The following NALF1 variants were observed in gnomAD, a reference collection of about 807,000 sequenced individuals.
NALF1 encodes NALCN channel auxiliary factor 1, also known as family with sequence similarity 155 member A.
In NALF1, 3 loss-of-function variants were observed where a neutral mutation model predicts 48.4. The observed-to-expected ratio is 0.06, with a 90% CI of 0.03 to 0.16. The LOEUF (loss-of-function observed/expected upper bound fraction) is 0.16. Among genes scored for constraint, NALF1 ranks in the 10% least tolerant of loss-of-function variants. The pLI is 1.00. For missense variants in NALF1, 526 were observed against 571.5 expected, an observed-to-expected ratio of 0.92 and a Z score of 0.81; for synonymous variants, 262 against 245.7, an observed-to-expected ratio of 1.07 and a Z score of -0.62.
chr13:107,562,353 T>C (rs1877672358), intron 1 of NALF1, among the ~76,000 whole-genome samples: 1 of 152,200 alleles, frequency 6.6e-6, no homozygotes, highest in South Asian at 2.1e-4. Flanking sequence ...ATTTGTATAT[T>C]GTATCCTTAT....
intron 1 of NALF1, among the ~76,000 whole-genome samples, chr13:107,423,423 G>A (rs1219879326): frequency 2.0e-5 from 3 of 152,098 alleles, no homozygotes; most frequent in African/African-American, 4.8e-5. Context: ...GGAGATGTCC[G>A]TCTTGCCCTG....
intron 1 of NALF1, among the ~76,000 whole-genome samples, chr13:107,446,773 G>A (rs1310574043): frequency 6.6e-6 from 1 of 152,052 alleles, no homozygotes; most frequent in Non-Finnish European, 1.5e-5. Context: ...ACATTGTTCT[G>A]CAATCTTACT....
intron 2 of NALF1, among the ~76,000 whole-genome samples, chr13:107,184,635 C>A (rs1023406544): frequency 6.6e-5 from 10 of 152,160 alleles, no homozygotes; most frequent in Admixed American, 2.0e-4. Flanking sequence ...TGTTTTCCTG[C>A]ATCCTAGCTA....
intron 1 of NALF1, among the ~76,000 whole-genome samples, chr13:107,423,688 T>A (rs1594055201): frequency 6.6e-6 from 1 of 152,188 alleles, no homozygotes; most frequent in Non-Finnish European, 1.5e-5. Flanking sequence ...TACCTCATTA[T>A]AATTTCTTCT....
intron 1 of NALF1, among the ~76,000 whole-genome samples, chr13:107,423,768 A>G (rs144016057): frequency 8.9e-4 from 135 of 152,276 alleles, no homozygotes; most frequent in Admixed American, 2.3e-3. Context: ...AATCTTGGAG[A>G]CCAAAAAGCA....
intron 1 of NALF1, among the ~76,000 whole-genome samples, chr13:107,364,026 C>T (rs138610166): frequency 9.5e-4 from 144 of 152,198 alleles, no homozygotes; most frequent in African/African-American, 3.3e-3. Context: ...TCAGTCTATA[C>T]GTAATAAGAA....
At chr13:107,742,072 T>G (rs1022288736) in intron 1 of NALF1, among the ~76,000 whole-genome samples, 1 of 152,194 alleles carries the variant, frequency 6.6e-6, no homozygotes, top group Non-Finnish European at 1.5e-5. Context: ...GTGCACCATG[T>G]TCTCAGGAAA....
At position 107,288,498 on chromosome 13, in the gene NALF1, G is replaced by C. The variant is rs1327190469; in HGVS notation, c.916-77743C>G. 4.0e-5 allele frequency among the ~76,000 whole-genome samples: 6 copies of C among 150,846 alleles called. No individual in the cohort carries two copies. In the East Asian group the frequency reaches 1.2e-3, roughly 30 times the overall value. Reference sequence around the variant, plus strand: ...ACCTCCCAAAGTGCTGGGATTACAGGCGTGAGCCACCGCGCCCAGCCTGAA... The same window carrying C: ...ACCTCCCAAAGTGCTGGGATTACAGCCGTGAGCCACCGCGCCCAGCCTGAA... On this transcript the variant is annotated intron_variant, in intron 1 of 2. Transcript: ENST00000375915.
chr13:107,357,295 G>C (rs1882980553), intron 1 of NALF1, among the ~76,000 whole-genome samples: 1 of 152,104 alleles, frequency 6.6e-6, no homozygotes, highest in African/African-American at 2.4e-5. Flanking sequence ...AGGGGGAAGA[G>C]TCCCTTATAA....
intron 1 of NALF1, among the ~76,000 whole-genome samples, chr13:107,482,837 A>T (rs1885274404): frequency 6.6e-6 from 1 of 152,192 alleles, no homozygotes; most frequent in African/African-American, 2.4e-5. Flanking sequence ...GGCAACGTGC[A>T]CTATGAATAA....
At chr13:107,830,775 C>T (rs1317009710) in intron 1 of NALF1, among the ~76,000 whole-genome samples, 3 of 152,070 alleles carry the variant, frequency 2.0e-5, no homozygotes, top group African/African-American at 2.4e-5. Context: ...TCAAAGAATG[C>T]GATGTGCCAC....
At chr13:107,359,732 G>A (rs1883028004) in intron 1 of NALF1, among the ~76,000 whole-genome samples, 1 of 151,826 alleles carries the variant, frequency 6.6e-6, no homozygotes, top group Non-Finnish European at 1.5e-5. Context: ...TTTTTAAGTG[G>A]GGTCTAAATC....
At chr13:107,540,067 C>CACACACACACACACACAT (rs1408827851) in intron 1 of NALF1, among the ~76,000 whole-genome samples, 4 of 152,022 alleles carry the variant, frequency 2.6e-5, no homozygotes, top group African/African-American at 9.7e-5. Context: ...CACACACACA[C>CACACACACACACACACAT]ACATACACAT....
At chr13:107,554,414 G>A (rs1877392505) in intron 1 of NALF1, among the ~76,000 whole-genome samples, 1 of 152,182 alleles carries the variant, frequency 6.6e-6, no homozygotes, top group Non-Finnish European at 1.5e-5. Flanking sequence ...CAAAAAGAGG[G>A]TGAAGAAGGT....
chr13:107,833,997 C>T (rs544338746), intron 1 of NALF1, among the ~76,000 whole-genome samples: 71 of 151,986 alleles, frequency 4.7e-4, no homozygotes, highest in African/African-American at 1.3e-3. Context: ...GTTCTGTACC[C>T]ATGGATTCAA....
At chr13:107,226,032 C>T (rs1880096472) in intron 1 of NALF1, among the ~76,000 whole-genome samples, 1 of 152,068 alleles carries the variant, frequency 6.6e-6, no homozygotes, top group Non-Finnish European at 1.5e-5. Flanking sequence ...AGAACTATGG[C>T]TTCAATAGTC....
At chr13:107,529,771 C>A (rs565693328) in intron 1 of NALF1, among the ~76,000 whole-genome samples, 1 of 152,098 alleles carries the variant, frequency 6.6e-6, no homozygotes, top group East Asian at 1.9e-4. Context: ...GAGAGAGGAA[C>A]GGGCATCACC....
In NALF1 at chr13:107,736,311, G is replaced by A. The variant is rs147439295; in HGVS notation, c.915+129371C>T. On this transcript the variant is annotated intron_variant, in intron 1 of 2. Transcript: ENST00000375915. ...CACTTCTGTAACAGAGTGCAGTGGC[G>A]GCGGCGGCATTTCTTAGGTTGCATA... Among the ~76,000 whole-genome samples, 374 of 152,168 alleles carry A rather than the reference G, an allele frequency of 2.5e-3. 3 individuals carry two copies. Among genetic ancestry groups the A allele is most frequent in the African/African-American group, 8.6e-3 (357 of 41,532 alleles).
At chr13:107,738,532 A>G (rs1400228673) in intron 1 of NALF1, among the ~76,000 whole-genome samples, 5 of 152,212 alleles carry the variant, frequency 3.3e-5, no homozygotes, top group Admixed American at 2.0e-4. Context: ...GAGAATAAAC[A>G]AAGAAATAAC....
Sources: allele counts gnomAD v4.1 joint callset (sites outside exome capture counted in the v4.1 genomes callset), GRCh38; gene constraint gnomAD v4.1.1; transcripts MANE v1.5; gene names NCBI Gene and HGNC (gene_info 2026-07-23, HGNC 2026-07-21).